The following CTSH variants were observed in gnomAD, a reference collection of about 807,000 sequenced individuals.
CTSH encodes the protein pro-cathepsin H.
Under a neutral mutation model 56.3 loss-of-function variants are expected in CTSH, and 52 were observed. The ratio of observed to expected loss-of-function variants is 0.92; its 90% CI spans 0.74 to 1.16. The LOEUF is 1.16. Among genes scored for constraint, CTSH ranks in the 50% most tolerant of loss-of-function variants. CTSH has a pLI of 0.00. For missense variants in CTSH, 406 were observed against 424.5 expected, an observed-to-expected ratio of 0.96 and a Z score of 0.38; for synonymous variants, 174 against 155.7, an observed-to-expected ratio of 1.12 and a Z score of -0.88.
At chr15:78,930,714 C>A (rs1948882378) in intron 7 of CTSH, among the ~76,000 whole-genome samples, 1 of 152,074 alleles carries the variant, frequency 6.6e-6, no homozygotes, top group Admixed American at 6.5e-5. Context: ...TACGACGTCA[C>A]CCCTGGGTCC....
rs1321656121 is a variant in CTSH, at chr15:78,923,082, A to G, written c.843T>C (p.His281=). Residue 281 remains histidine (H), a synonymous_variant, in exon 11 of 12, where the codon CAT becomes CAC. Transcript: ENST00000220166. ...SCHKTPDKVN[H]AVLAVGYGEK... is the part of the protein sequence containing the mutation. Reference sequence around the variant, plus strand: ...CTCCATACCCAACAGCCAGTACTGCATGGTTTACTTTATCTGGAGTTTTAT... The same window carrying G: ...CTCCATACCCAACAGCCAGTACTGCGTGGTTTACTTTATCTGGAGTTTTAT... 1.2e-6 allele frequency: 2 copies of G among 1,612,926 alleles called. No individual in the cohort carries two copies. Among genetic ancestry groups the G allele is most frequent in the Admixed American group, 1.7e-5 (1 of 59,656 alleles).
intron 2 of CTSH, chr15:78,937,828 A>G: frequency 7.8e-7 from 1 of 1,286,628 alleles, no homozygotes; most frequent in South Asian, 1.2e-5. Flanking sequence ...GGTTTTCTAA[A>G]AACAAATGTG....
chr15:78,931,414 TGAG>T (rs760046563), intron 7 of CTSH, 34 bp downstream of exon 7: 55 of 1,613,544 alleles, frequency 3.4e-5, no homozygotes, highest in Middle Eastern at 1.6e-4. Context: ...CAGTGGGAAA[TGAG>T]GAAGTTTTGG....
chr15:78,924,123 T>TGGGGGAGGGGG (rs2054844445), intron 10 of CTSH, among the ~76,000 whole-genome samples: 1 of 16,772 alleles, frequency 6.0e-5, no homozygotes, highest in Non-Finnish European at 1.1e-4. Flanking sequence ...GTGGGCAGGG[T>TGGGGGAGGGGG]GGGTCAGGGA....
chr15:78,935,611 C>A, intron 4 of CTSH, 69 bp downstream of exon 4: 1 of 1,356,416 alleles, frequency 7.4e-7, no homozygotes, highest in Non-Finnish European at 1.0e-6. Context: ...AGAAGCAGAG[C>A]AGGCTCCAAA....
At position 78,939,137 on chromosome 15, in the gene CTSH, G is replaced by A. The variant is rs371477568; in HGVS notation, c.123+3C>T. On this transcript the variant is annotated splice_donor_region_variant and intron_variant, in intron 2 of 11. Coordinates refer to ENST00000220166, the MANE Select transcript of CTSH (RefSeq NM_004390.5). ...CTTCAAAAAGAAGAAGTTGGGCACT[G>A]ACCTTAGACATCCATGACTTGAAGT... is the stretch of plus-strand genomic sequence containing the variant. 33 of 1,596,850 alleles carry A rather than the reference G, an allele frequency of 2.1e-5. No individual in the cohort carries two copies. Among genetic ancestry groups the A allele is most frequent in the Non-Finnish European group, 2.8e-5 (33 of 1,173,600 alleles).
Position 78,931,994 on chromosome 15 carries a change from A to AT in CTSH, c.492+377dup, listed in dbSNP as rs2055071575. On this transcript the variant is annotated intron_variant, in intron 6 of 11. Coordinates refer to ENST00000220166, the MANE Select transcript of CTSH (RefSeq NM_004390.5). ...TCATCCGTCTCTTGTGGGCGAGGGG[A>AT]TGGATGCATAGGTCCCGGCTCTTCC... The AT allele has an allele frequency of 1.9e-4, 216 of 1,155,614 alleles. No homozygotes were observed. The South Asian group carries it at 4.7e-3, about 25-fold the overall frequency. The allele number at this position is 1,155,614 out of a possible 1,614,324, so 71.6% of individuals were successfully genotyped here. A position where few individuals can be genotyped will look rare whatever the true frequency, so the allele number is the denominator to read the frequency against.
At chr15:78,943,523 G>T (rs963507119) in intron 1 of CTSH, among the ~76,000 whole-genome samples, 5 of 152,114 alleles carry the variant, frequency 3.3e-5, no homozygotes, top group African/African-American at 1.2e-4. Flanking sequence ...AGCCACCGCA[G>T]CCGGTCCCTG....
chr15:78,944,055 C>G (rs1294213513), intron 1 of CTSH, among the ~76,000 whole-genome samples: 1 of 152,238 alleles, frequency 6.6e-6, no homozygotes, highest in Non-Finnish European at 1.5e-5. Context: ...TCCCGTTCCT[C>G]CAGAGCTCAG....
intron 7 of CTSH, among the ~76,000 whole-genome samples, chr15:78,930,841 AAG>A (rs1171104617): frequency 2.0e-5 from 3 of 152,216 alleles, no homozygotes; most frequent in African/African-American, 7.2e-5. Context: ...ACGGCACCCC[AAG>A]AGCCTGGCTT....
intron 9 of CTSH, 97 bp from the exon 10 acceptor site, chr15:78,925,537 AGAG>A: frequency 2.6e-6 from 2 of 776,152 alleles, no homozygotes; most frequent in Non-Finnish European, 4.4e-6. Context: ...CTAGAGGCCC[AGAG>A]CAGCATGGAT....
rs1374520462 is a variant in CTSH at position 78,933,558 on chromosome 15, T to TG, written c.406-1101dup. ...CTTCCCTTCACATATCTCTCTCAGC[T>TG]GGGGGAGGGAGGGACGGCCTGGTGA... On this transcript the variant is annotated intron_variant, in intron 5 of 11. Transcript: ENST00000220166. 10 of 455,028 alleles carry TG rather than the reference T, an allele frequency of 2.2e-5. No homozygotes were observed. The East Asian group carries it at 4.2e-4, about 19-fold the overall frequency. 28.2% of individuals were successfully genotyped at this position (455,028 alleles called of 1,614,324 possible).
At chr15:78,923,964 C>T (rs1208103048) in intron 10 of CTSH, among the ~76,000 whole-genome samples, 1 of 152,084 alleles carries the variant, frequency 6.6e-6, no homozygotes, top group East Asian at 1.9e-4. Context: ...AGGCAGCATG[C>T]ATAACTGTCC....
At position 78,921,231 on chromosome 15, in the gene CTSH, T is replaced by C. The variant is rs983883388; in HGVS notation, c.*899A>G. 6.6e-6 allele frequency: 1 copy of C among 152,190 alleles called. No homozygotes were observed. Among genetic ancestry groups the C allele is most frequent in the Non-Finnish European group, 1.5e-5 (1 of 68,030 alleles). The allele number at this position is 152,190 out of a possible 1,614,324, so 9.4% of individuals were successfully genotyped here. ...GACAAAGAGCTGGTGGACTCCAGCT[T>C]GTTCTACAGACATCCCAGAGCCCGG... On this transcript the variant is annotated 3_prime_UTR_variant, in exon 12 of 12. Transcript: ENST00000220166.
chr15:78,936,801 G>T (rs2055186256), intron 3 of CTSH, among the ~76,000 whole-genome samples: 1 of 152,016 alleles, frequency 6.6e-6, no homozygotes, highest in South Asian at 2.1e-4. Flanking sequence ...GGCTAATTTT[G>T]TATTTTTAGT....
chr15:78,941,405 C>A (rs539782379), intron 1 of CTSH, among the ~76,000 whole-genome samples: 2 of 86,770 alleles, frequency 2.3e-5, no homozygotes, highest in Non-Finnish European at 4.0e-5. Flanking sequence ...GCCTGGGCGA[C>A]AAAGCGAGAC....
At chr15:78,937,446 C>G in intron 2 of CTSH, 23 bp from the exon 3 acceptor site, 1 of 1,598,172 alleles carries the variant, frequency 6.3e-7, no homozygotes, top group South Asian at 1.1e-5. Flanking sequence ...ACGCCAGTAG[C>G]AAGTCATGGA....
chr15:78,932,076 C>A, intron 6 of CTSH: 1 of 1,256,804 alleles, frequency 8.0e-7, no homozygotes, highest in Non-Finnish European at 1.0e-6. Flanking sequence ...GGCTACCCAC[C>A]AGGCAGGCTC....
At chr15:78,927,970 T>A (rs1457981326) in intron 8 of CTSH, among the ~76,000 whole-genome samples, 189 bp from the exon 9 acceptor site, 2 of 152,218 alleles carry the variant, frequency 1.3e-5, no homozygotes, top group African/African-American at 4.8e-5. Flanking sequence ...GGTCCTGTGC[T>A]GGCTTTGGCA....
Sources: allele counts gnomAD v4.1 joint callset (sites outside exome capture counted in the v4.1 genomes callset), GRCh38; gene constraint gnomAD v4.1.1; transcripts MANE v1.5; gene names NCBI Gene and HGNC (gene_info 2026-07-23, HGNC 2026-07-21).